The following CR2 variants were observed in gnomAD, a reference collection of about 807,000 sequenced individuals.
CR2 encodes complement receptor type 2.
A neutral mutation model predicts 123.0 loss-of-function variants in CR2; 96 were observed. The observed-to-expected ratio is 0.78, with a 90% confidence interval of 0.66 to 0.93. The LOEUF is 0.93. CR2 is among the 40% of genes least tolerant of loss of function. CR2 has a pLI of 0.00. For synonymous variants in CR2, 484 were observed against 469.5 expected, an observed-to-expected ratio of 1.03 and a Z score of -0.40; for missense variants, 1,258 against 1,361.0, an observed-to-expected ratio of 0.92 and a Z score of 1.19.
At chr1:207,480,330 C>T (rs1658570405) in intron 18 of CR2, among the ~76,000 whole-genome samples, 1 of 152,258 alleles carries the variant, frequency 6.6e-6, no homozygotes, top group African/African-American at 2.4e-5. Context: ...ACTGCAAATA[C>T]TTTGGTGTAT....
intron 1 of CR2, among the ~76,000 whole-genome samples, chr1:207,458,079 C>CACACAT (rs1553278537): frequency 1.3e-5 from 2 of 151,176 alleles, no homozygotes; most frequent in African/African-American, 4.9e-5. Flanking sequence ...CACACACACA[C>CACACAT]ACACACACAC....
chr1:207,470,103 G>C lies in CR2; in HGVS notation c.1225+1G>C, dbSNP rs398122864. On this transcript the variant is annotated splice_donor_variant, in intron 6 of 19. Transcript: ENST00000367057. LOFTEE classifies it high-confidence loss of function. ...CCATCTGCACCAGTCTGTGAAAAGG[G>C]TGAGTGTTCCGGTACTCAGAAAAGG... The C allele has an allele frequency of 1.9e-6, 3 of 1,613,478 alleles. No individual in the cohort carries two copies. Among genetic ancestry groups the C allele is most frequent in the Non-Finnish European group, 2.5e-6 (3 of 1,179,822 alleles).
chr1:207,480,342 C>T lies in CR2; in HGVS notation c.3188+289C>T, dbSNP rs149295608. ...ACGACTGCAAATACTTTGGTGTATT[C>T]GTATCTGATCTTTTTCGTATATTTT... On this transcript the variant is annotated intron_variant, in intron 18 of 19. Coordinates refer to ENST00000367057, the MANE Select transcript of CR2 (RefSeq NM_001006658.3). Among the ~76,000 whole-genome samples, 697 of 152,146 alleles carry T rather than the reference C, an allele frequency of 4.6e-3. 1 individual carries two copies. Among genetic ancestry groups the T allele is most frequent in the Non-Finnish European group, 8.1e-3 (552 of 67,976 alleles).
chr1:207,456,809 A>G (rs1657844589), intron 1 of CR2, among the ~76,000 whole-genome samples: 4 of 152,196 alleles, frequency 2.6e-5, no homozygotes, highest in Admixed American at 2.6e-4. Flanking sequence ...CTTATTCTCC[A>G]GTCTGAGGCC....
In CR2 at chr1:207,470,114, G is replaced by A. The variant is rs374594267; in HGVS notation, c.1225+12G>A. The A allele has an allele frequency of 9.3e-6, 15 of 1,612,852 alleles. No individual in the cohort carries two copies. The highest frequency in any genetic ancestry group is 3.3e-5 in the Admixed American group (2 of 59,952). On this transcript the variant is annotated intron_variant, in intron 6 of 19. Coordinates refer to ENST00000367057, the MANE Select transcript of CR2 (RefSeq NM_001006658.3). Reference sequence around the variant, plus strand: ...AGTCTGTGAAAAGGGTGAGTGTTCCGGTACTCAGAAAAGGTGCTTCTGATT... The same window carrying A: ...AGTCTGTGAAAAGGGTGAGTGTTCCAGTACTCAGAAAAGGTGCTTCTGATT...
rs750826434 is a variant in CR2 at position 207,454,516 on chromosome 1, C to G, written c.58+40C>G. On this transcript the variant is annotated intron_variant, in intron 1 of 19. Transcript: ENST00000367057. The surrounding 1 kb of genome is among the most constrained non-coding windows in gnomAD (Gnocchi z 4.3). ...GGAGCACGGAGGTGGGGACGCGTCC[C>G]GGGCAGGGAAAGTTTCTGTGCCGCG... 6.0e-5 allele frequency: 87 copies of G among 1,443,106 alleles called. No individual in the cohort carries two copies. Among genetic ancestry groups the G allele is most frequent in the Non-Finnish European group, 7.9e-5 (85 of 1,073,956 alleles). 89.4% of individuals were successfully genotyped at this position (1,443,106 alleles called of 1,614,324 possible).
chr1:207,472,917 C>T lies in CR2; in HGVS notation c.1716C>T (p.Ser572=). The T allele has an allele frequency of 6.2e-7, 1 of 1,614,032 alleles. No individual in the cohort carries two copies. The highest frequency in any genetic ancestry group is 8.5e-7 in the Non-Finnish European group (1 of 1,179,964). The change falls in exon 10 of 20, where the codon AGC becomes AGT. Residue 572 remains serine, a synonymous_variant. Transcript: ENST00000367057. The part of the protein sequence containing the change: ...RGVEFSLIGE[S]TIRCTSNDQE... ...TGGAATTCAGCCTCATTGGAGAGAG[C>T]ACCATCCGTTGTACAAGCAATGATC...
chr1:207,466,835 C>T lies in CR2; in HGVS notation c.368C>T (p.Ser123Phe). The T allele has an allele frequency of 6.2e-7, 1 of 1,613,166 alleles. No individual in the cohort carries two copies. Among genetic ancestry groups the T allele is most frequent in the South Asian group, 1.1e-5 (1 of 90,876 alleles). ...SVTFACKTNF[S>F]MNGNKSVWCQ... ...ACATTTGCCTGTAAAACCAACTTCT[C>T]CATGAACGGAAACAAGTCTGTTTGG... is the stretch of plus-strand genomic sequence containing the variant. Residue 123 changes from serine (S) to phenylalanine (F), a missense_variant, in exon 2 of 20, where the codon TCC becomes TTC. Physicochemically the swap from Ser to Phe is radical, Grantham distance 155. Transcript: ENST00000367057.
At chr1:207,466,390 G>A in intron 1 of CR2, 136 bp from the exon 2 acceptor site, 2 of 1,000,432 alleles carry the variant, frequency 2.0e-6, no homozygotes, top group Non-Finnish European at 3.1e-6. Context: ...GAGTAAGCAG[G>A]GAATAAATAA....
chr1:207,474,883 G>C lies in CR2; in HGVS notation c.2383G>C (p.Glu795Gln). Residue 795 changes from glutamate (E) to glutamine (Q), a missense_variant, in exon 14 of 20, where the codon GAA (glutamate) becomes CAA (glutamine). By Grantham distance (29) the Glu-to-Gln change is conservative (BLOSUM62 2). Transcript: ENST00000367057. ...TGGGAAGCACACAGGCATGATGGCA[G>C]AAAACTTTCTATATGGAAATGAAGT... ...VNGKHTGMMA[E>Q]NFLYGNEVSY... 1.9e-6 allele frequency: 3 copies of C among 1,614,056 alleles called. No individual in the cohort carries two copies. The highest frequency in any genetic ancestry group is 2.5e-6 in the Non-Finnish European group (3 of 1,179,954).
chr1:207,482,619 G>A (rs779968628), intron 18 of CR2, among the ~76,000 whole-genome samples: 34 of 152,108 alleles, frequency 2.2e-4, no homozygotes, highest in Admixed American at 5.9e-4. Flanking sequence ...GGTAAAGGAG[G>A]ACAAGCATGT....
At chr1:207,456,851 A>G (rs1657845922) in intron 1 of CR2, among the ~76,000 whole-genome samples, 1 of 151,796 alleles carries the variant, frequency 6.6e-6, no homozygotes, top group Non-Finnish European at 1.5e-5. Flanking sequence ...TCTGTACCCC[A>G]CTCACTCTCT....
chr1:207,478,566 A>T (rs1658511726), intron 16 of CR2, among the ~76,000 whole-genome samples: 2 of 150,834 alleles, frequency 1.3e-5, no homozygotes, highest in Non-Finnish European at 3.0e-5. Context: ...GAAATTAAAT[A>T]AAATAAAAAA....
chr1:207,465,204 A>G (rs1658064141), intron 1 of CR2, among the ~76,000 whole-genome samples: 1 of 152,224 alleles, frequency 6.6e-6, no homozygotes, highest in Non-Finnish European at 1.5e-5. Context: ...TGCTGGGATT[A>G]CAGACGTGAA....
intron 1 of CR2, among the ~76,000 whole-genome samples, chr1:207,463,017 C>T (rs1365278803): frequency 6.6e-6 from 1 of 152,114 alleles, no homozygotes; most frequent in African/African-American, 2.4e-5. Context: ...TAAACATAAG[C>T]AGGCCTGTCA....
chr1:207,478,525 CAAAAAAAAAA>C (rs36116544), intron 16 of CR2, among the ~76,000 whole-genome samples: 25 of 58,740 alleles, frequency 4.3e-4, no homozygotes, highest in East Asian at 3.5e-3. Flanking sequence ...AAGACCCTAT[CAAAAAAAAAA>C]AAAAAAAAAA....
At position 207,489,189 on chromosome 1, in the gene CR2, T is replaced by G. The variant is rs749862783; in HGVS notation, c.*66T>G. On this transcript the variant is annotated 3_prime_UTR_variant, in exon 20 of 20. Coordinates refer to ENST00000367057, the MANE Select transcript of CR2 (RefSeq NM_001006658.3). ...AGCGGAATATTGATTAGAAAGAAACTGCTCTAATATCAGCAAGTCTCTTTA... is the reference window on the plus strand; with the variant it reads ...AGCGGAATATTGATTAGAAAGAAACGGCTCTAATATCAGCAAGTCTCTTTA... The G allele has an allele frequency of 5.3e-5, 8 of 152,230 alleles. No homozygotes were observed. Among genetic ancestry groups the G allele is most frequent in the Non-Finnish European group, 8.8e-5 (6 of 68,038 alleles). The allele number at this position is 152,230 out of a possible 1,614,324, so 9.4% of individuals were successfully genotyped here.
At position 207,472,984 on chromosome 1, in the gene CR2, CT is replaced by C; in HGVS notation, c.1786del (p.Ser596ProfsTer31). On this transcript the variant is annotated frameshift_variant, in exon 10 of 20. Transcript: ENST00000367057. LOFTEE classifies it high-confidence loss of function. ...GAGTGGCCCTGCTCCCCTGTGTAAACTTTCCCTCCTTGCTGTCCAGTGCTCA... is the reference window on the plus strand; with the variant it reads ...GAGTGGCCCTGCTCCCCTGTGTAAACTTCCCTCCTTGCTGTCCAGTGCTCA... ...TWSGPAPLCK[L>X]SLLAVQCSHV... is the part of the protein sequence containing the mutation. 6.2e-7 allele frequency: 1 copy of C among 1,614,010 alleles called. No homozygotes were observed. The highest frequency in any genetic ancestry group is 8.5e-7 in the Non-Finnish European group (1 of 1,179,946).
intron 9 of CR2, 21 bp from the exon 10 acceptor site, chr1:207,472,751 A>C (rs1323369224): frequency 6.2e-7 from 1 of 1,611,680 alleles, no homozygotes; most frequent in African/African-American, 1.3e-5. Context: ...TCAATTCTAC[A>C]GTATCTTTTC....
Sources: gnomAD v4.1 joint callset for allele counts (sites outside exome capture counted in the v4.1 genomes callset) on GRCh38, gnomAD v4.1.1 for gene constraint, Gnocchi (gnomAD v3.1) non-coding constraint, MANE v1.5 for transcripts, NCBI Gene and HGNC (gene_info 2026-07-23, HGNC 2026-07-21) for gene names.